The following CSMD1 variants were observed in gnomAD, a reference collection of about 807,000 sequenced individuals.
CSMD1 encodes the protein CUB and sushi domain-containing protein 1.
Under a neutral mutation model 417.5 loss-of-function variants are expected in CSMD1, and 213 were observed. The ratio of observed to expected loss-of-function variants is 0.51; its 90% CI spans 0.46 to 0.57. CSMD1 has a LOEUF of 0.57. CSMD1 is among the 20% of genes least tolerant of loss of function. The pLI is 0.00. For synonymous variants in CSMD1, 2,862 were observed against 1,736.8 expected (o/e 1.65, Z -16.11); for missense variants, 6,923 against 4,529.7 (o/e 1.53, Z -15.17).
chr8:4,601,062 T>A (rs1270267607), intron 2 of CSMD1, among the ~76,000 whole-genome samples: 1 of 151,750 alleles, frequency 6.6e-6, no homozygotes, highest in African/African-American at 2.4e-5. Flanking sequence ...GTTCAAGCGA[T>A]TCTCCTGCCT....
rs118093341 is a variant in CSMD1, at chr8:4,446,910, T to A, written c.303-26845A>T. 1.0e-3 allele frequency among the ~76,000 whole-genome samples: 158 copies of A among 150,946 alleles called. No homozygotes were observed. The East Asian group carries it at 0.029, about 28-fold the overall frequency. The stretch of plus-strand genomic sequence containing the variant: ...TTCTGGGATTACAGGCGTGAGCCAT[T>A]GCGCCTGGCAGAGACCGTGTTTATT... On this transcript the variant is annotated intron_variant, in intron 2 of 69. Coordinates refer to ENST00000635120, the MANE Select transcript of CSMD1 (RefSeq NM_033225.6).
intron 41 of CSMD1, among the ~76,000 whole-genome samples, chr8:3,136,519 C>A (rs908741664): frequency 6.6e-6 from 1 of 152,140 alleles, no homozygotes; most frequent in African/African-American, 2.4e-5. Context: ...CCCACCTCGG[C>A]CTCCCAAAGT....
chr8:4,791,250 G>A (rs547154600), intron 1 of CSMD1, among the ~76,000 whole-genome samples: 1 of 152,228 alleles, frequency 6.6e-6, no homozygotes, highest in African/African-American at 2.4e-5. Context: ...GGGGTTGCAG[G>A]GGCTTTGCCT....
At position 3,566,690 on chromosome 8, in the gene CSMD1, C is replaced by G. The variant is rs1351622572; in HGVS notation, c.1344+8255G>C. ...GCATATTAAAAAAAGGTCAACATCA[C>G]TGATCATTAGAGACATGGAAATCAA... On this transcript the variant is annotated intron_variant, in intron 10 of 69. Coordinates refer to ENST00000635120, the MANE Select transcript of CSMD1 (RefSeq NM_033225.6). Among the ~76,000 whole-genome samples, 3 of 152,162 alleles carry G rather than the reference C, an allele frequency of 2.0e-5. No homozygotes were observed. In the East Asian group the frequency reaches 5.8e-4, roughly 29 times the overall value.
chr8:4,485,886 G>C (rs1167331193), intron 2 of CSMD1, among the ~76,000 whole-genome samples: 1 of 151,914 alleles, frequency 6.6e-6, no homozygotes, highest in Non-Finnish European at 1.5e-5. Flanking sequence ...TCTGACCAGG[G>C]AGTAAGAAGT....
chr8:3,093,567 C>T (rs940428728), intron 47 of CSMD1, among the ~76,000 whole-genome samples: 1 of 152,006 alleles, frequency 6.6e-6, no homozygotes, highest in Non-Finnish European at 1.5e-5. Flanking sequence ...ACTCAGGAGG[C>T]TGAGGCAGGA....
chr8:4,337,060 G>T (rs561111575), intron 3 of CSMD1, among the ~76,000 whole-genome samples: 1 of 152,038 alleles, frequency 6.6e-6, no homozygotes, highest in African/African-American at 2.4e-5. Flanking sequence ...ATTGCATTCT[G>T]CATCTGTTTC....
rs1363463407 is a variant in CSMD1 at position 3,998,095 on chromosome 8, C to T, written c.626G>A (p.Gly209Glu). ...GCTGCTGGTCCCGCGTAAGGTTCCT[C>T]CGCAGGCTCCCTCAGCTGCAGGGGC... is the stretch of plus-strand genomic sequence containing the variant. ...APFCRAEGAC[G>E]GTLRGTSSSI... The change falls in exon 5 of 70, where the codon GGA becomes GAA. Residue 209 changes from glycine (G) to glutamate (E), a missense_variant. Coordinates refer to ENST00000635120, the MANE Select transcript of CSMD1 (RefSeq NM_033225.6). 4 of 1,571,856 alleles carry T rather than the reference C, an allele frequency of 2.5e-6. No individual in the cohort carries two copies. The highest frequency in any genetic ancestry group is 3.5e-6 in the Non-Finnish European group (4 of 1,157,750).
chr8:4,293,312 AC>A (rs1797476219), intron 3 of CSMD1, among the ~76,000 whole-genome samples: 1 of 152,194 alleles, frequency 6.6e-6, no homozygotes, highest in South Asian at 2.1e-4. Context: ...ACAATGAGAA[AC>A]TGACGATGCT....
At chr8:4,181,338 C>T (rs1798359614) in intron 3 of CSMD1, among the ~76,000 whole-genome samples, 1 of 151,596 alleles carries the variant, frequency 6.6e-6, no homozygotes, top group African/African-American at 2.4e-5. Flanking sequence ...AAAAGAAATG[C>T]AATGGTACGG....
At chr8:3,089,132 C>G (rs1323220291) in intron 48 of CSMD1, among the ~76,000 whole-genome samples, 1 of 152,182 alleles carries the variant, frequency 6.6e-6, no homozygotes, top group East Asian at 1.9e-4. Context: ...GCCCTGCCAG[C>G]CCAACTCCTG....
rs559084083 is a variant in CSMD1, at chr8:3,136,588, C to T, written c.6241+5877G>A. On this transcript the variant is annotated intron_variant, in intron 41 of 69. Coordinates refer to ENST00000635120, the MANE Select transcript of CSMD1 (RefSeq NM_033225.6). The stretch of plus-strand genomic sequence containing the variant: ...CTCATCCCTTTCGGATTTCTGGTAG[C>T]GACGGAAGAGATGCAGTGAATAGAA... Among the ~76,000 whole-genome samples, 30 of 152,022 alleles carry T rather than the reference C, an allele frequency of 2.0e-4. 1 individual carries two copies. The South Asian group carries it at 4.6e-3, about 23-fold the overall frequency.
At chr8:4,123,152 G>T (rs1271957386) in intron 3 of CSMD1, among the ~76,000 whole-genome samples, 1 of 152,252 alleles carries the variant, frequency 6.6e-6, no homozygotes, top group Non-Finnish European at 1.5e-5. Context: ...TATTTAGGCA[G>T]TCCATGCTGA....
chr8:3,427,320 G>C (rs1813911790), intron 12 of CSMD1, among the ~76,000 whole-genome samples: 1 of 152,068 alleles, frequency 6.6e-6, no homozygotes. Flanking sequence ...GCAAACTGAA[G>C]TCCTGGAAAT....
chr8:4,693,607 G>A (rs889624815), intron 1 of CSMD1, among the ~76,000 whole-genome samples: 5 of 152,114 alleles, frequency 3.3e-5, no homozygotes, highest in African/African-American at 9.7e-5. Flanking sequence ...GTAAAACAAC[G>A]GGATTTTTCT....
intron 1 of CSMD1, among the ~76,000 whole-genome samples, chr8:4,709,336 T>G (rs1439419817): frequency 2.6e-5 from 4 of 152,058 alleles, no homozygotes; most frequent in African/African-American, 4.8e-5. Flanking sequence ...GGCCTCTGTG[T>G]TGGATTGGGG....
At chr8:4,343,257 T>C (rs182180453) in intron 3 of CSMD1, among the ~76,000 whole-genome samples, 1 of 151,964 alleles carries the variant, frequency 6.6e-6, no homozygotes, top group East Asian at 1.9e-4. Flanking sequence ...AGGATGGAGG[T>C]TGCCAGTGGT....
At position 3,568,728 on chromosome 8, in the gene CSMD1, T is replaced by C. The variant is rs150725098; in HGVS notation, c.1344+6217A>G. On this transcript the variant is annotated intron_variant, in intron 10 of 69. Transcript: ENST00000635120. ...GTGTGTGTGTTTATCTATGCATATA[T>C]ATATACACATATATATATGTATGCA... Among the ~76,000 whole-genome samples, 750 of 152,170 alleles carry C rather than the reference T, an allele frequency of 4.9e-3. 4 individuals carry two copies. Among genetic ancestry groups the C allele is most frequent in the Middle Eastern group, 0.024 (7 of 294 alleles).
At chr8:3,204,146 T>G (rs187131279) in intron 31 of CSMD1, among the ~76,000 whole-genome samples, 12 of 152,356 alleles carry the variant, frequency 7.9e-5, no homozygotes, top group Admixed American at 5.9e-4. Context: ...TGAAGCTTTC[T>G]GCCAGATAGG....
Sources: gnomAD v4.1 joint callset for allele counts (sites outside exome capture counted in the v4.1 genomes callset) on GRCh38, gnomAD v4.1.1 for gene constraint, MANE v1.5 for transcripts, NCBI Gene and HGNC (gene_info 2026-07-23, HGNC 2026-07-21) for gene names.